VPS13D: variants seen among roughly 807,000 people sequenced by gnomAD.
VPS13D encodes vacuolar protein sorting 13 homolog D, also known as intermembrane lipid transfer protein VPS13D.
VPS13D carries 187 observed loss-of-function variants against 461.9 expected under a neutral mutation model. That is an observed-to-expected ratio of 0.40 (90% confidence interval 0.36 to 0.46). VPS13D has a LOEUF of 0.46. VPS13D is among the 20% of genes least tolerant of loss of function. VPS13D has a pLI of 0.60. For synonymous variants in VPS13D, 1,951 were observed against 1,986.3 expected (o/e 0.98, Z 0.47); for missense variants, 4,711 against 5,364.9 (o/e 0.88, Z 3.81).
chr1:12,483,646 A>G (rs1645754577), intron 67 of VPS13D, among the ~76,000 whole-genome samples: 1 of 152,146 alleles, frequency 6.6e-6, no homozygotes. Context: ...AATCTGCATC[A>G]TGACTTTATA....
intron 27 of VPS13D, among the ~76,000 whole-genome samples, chr1:12,310,893 TTCCCTCCTTCCCTCCTTCC>T: frequency 7.4e-6 from 1 of 136,004 alleles, no homozygotes; most frequent in East Asian, 2.5e-4. Flanking sequence ...CCTTCCCTCC[TTCCCTCCTTCCCTCCTTCC>T]CTCCCTCTCT....
At chr1:12,504,977 TG>T (rs1433619757) in intron 68 of VPS13D, among the ~76,000 whole-genome samples, 1 of 152,158 alleles carries the variant, frequency 6.6e-6, no homozygotes, top group African/African-American at 2.4e-5. Context: ...GAGGTGGAAG[TG>T]CCTGTGCTGT....
At chr1:12,242,362 C>G in intron 2 of VPS13D, 151 bp from the exon 3 acceptor site, 2 of 642,648 alleles carry the variant, frequency 3.1e-6, no homozygotes, top group Non-Finnish European at 5.4e-6. Context: ...TGATGTAGCC[C>G]GTTCTAGATG....
At chr1:12,354,411 G>A (rs1643868452) in intron 47 of VPS13D, among the ~76,000 whole-genome samples, 190 bp downstream of exon 47, 1 of 152,146 alleles carries the variant, frequency 6.6e-6, no homozygotes, top group Non-Finnish European at 1.5e-5. Flanking sequence ...GTACATGCCT[G>A]TAGTCCCAGC....
Position 12,283,023 on chromosome 1 carries a change from G to C in VPS13D, c.4921G>C (p.Gly1641Arg). Residue 1641 changes from glycine to arginine, a missense_variant, in exon 21 of 70, where the codon GGT becomes CGT. Gly to Arg is a moderately radical substitution (Grantham distance 125). This residue lies in a region of VPS13D where 4,411 missense variants were observed against 4,937.8 expected (regional missense o/e 0.89). Coordinates refer to ENST00000620676, the MANE Select transcript of VPS13D (RefSeq NM_015378.4). ...TGGAGATCTGACTTTGGGGGCCCAA[G>C]GTCTTGTGAGCTTAAAGTTTCAGGA... Reference protein sequence around the residue: ...LSGDLTLGAQGLVSLKFQDFE... With the variant: ...LSGDLTLGAQRLVSLKFQDFE... 1 of 1,613,680 alleles carries C rather than the reference G, an allele frequency of 6.2e-7. No individual in the cohort carries two copies. The highest frequency in any genetic ancestry group is 8.5e-7 in the Non-Finnish European group (1 of 1,179,878).
chr1:12,497,283 C>T (rs966855791), intron 67 of VPS13D: 9 of 401,132 alleles, frequency 2.2e-5, no homozygotes, highest in East Asian at 1.6e-4. Context: ...TATCCATGAT[C>T]ACATGGCCAG....
intron 67 of VPS13D, among the ~76,000 whole-genome samples, chr1:12,490,290 A>G (rs147582741): frequency 0.019 from 2,889 of 152,208 alleles, 107 homozygotes; most frequent in Admixed American, 0.099. Flanking sequence ...TGCCCAACCT[A>G]TTTTCCATGT....
In VPS13D at chr1:12,308,493, G is replaced by A; in HGVS notation, c.6502G>A (p.Ala2168Thr). The A allele has an allele frequency of 6.2e-7, 1 of 1,614,086 alleles. No homozygotes were observed. Among genetic ancestry groups the A allele is most frequent in the Non-Finnish European group, 8.5e-7 (1 of 1,180,028 alleles). ...TCTCCAGGACATGGACATCTTTGCT[G>A]CAGAGAGACATCCGAGAGAATACTC... Reference protein sequence around the residue: ...VDLQDMDIFAAERHPREYSKA... With the variant: ...VDLQDMDIFATERHPREYSKA... The change falls in exon 27 of 70, where the codon GCA becomes ACA. Residue 2168 changes from alanine to threonine, a missense_variant. Ala to Thr is a moderately conservative substitution (Grantham distance 58, BLOSUM62 0). Transcript: ENST00000620676.
At chr1:12,275,716 T>G in intron 18 of VPS13D, 109 bp from the exon 19 acceptor site, 1 of 1,160,718 alleles carries the variant, frequency 8.6e-7, no homozygotes, top group Non-Finnish European at 1.2e-6. Flanking sequence ...CTCAGTTTTC[T>G]TAAACAAACT....
chr1:12,360,157 T>A (rs140165770), intron 50 of VPS13D, among the ~76,000 whole-genome samples: 1 of 152,358 alleles, frequency 6.6e-6, no homozygotes, highest in African/African-American at 2.4e-5. Context: ...GGGCTAAGAC[T>A]GTGATTTAAG....
intron 67 of VPS13D, among the ~76,000 whole-genome samples, chr1:12,492,795 G>A (rs1248982907): frequency 3.9e-5 from 6 of 152,182 alleles, no homozygotes; most frequent in Admixed American, 2.0e-4. Flanking sequence ...TATGAACAAA[G>A]CAGAGACATG....
At chr1:12,386,474 G>A (rs1644352447) in intron 60 of VPS13D, 140 bp downstream of exon 60, 1 of 1,022,320 alleles carries the variant, frequency 9.8e-7, no homozygotes, top group Non-Finnish European at 1.4e-6. Flanking sequence ...CTGTGAAATA[G>A]TTGTTTCTAC....
chr1:12,345,594 ACTTTCTTGTT>A (rs1375070274), intron 43 of VPS13D, 85 bp downstream of exon 43: 3 of 1,499,542 alleles, frequency 2.0e-6, no homozygotes, highest in Non-Finnish European at 2.7e-6. Flanking sequence ...CTCTAATGAA[ACTTTCTTGTT>A]CTTTCTTTCC....
At position 12,415,202 on chromosome 1, in the gene VPS13D, T is replaced by G. The variant is rs758291232; in HGVS notation, c.12146T>G (p.Ile4049Ser). ...YETKEFIINDILKHFQEELLS... is the reference protein window; with the variant it reads ...YETKEFIINDSLKHFQEELLS... ...ACCAAGGAGTTCATCATCAATGATA[T>G]CCTCAAACATTTCCAGGAGGTGAGG... Residue 4049 changes from isoleucine to serine, a missense_variant, in exon 64 of 70, where the codon ATC becomes AGC. By Grantham distance (142) the Ile-to-Ser change is moderately radical (BLOSUM62 -2). This residue lies in a region of VPS13D where 4,411 missense variants were observed against 4,937.8 expected (regional missense o/e 0.89). Transcript: ENST00000620676. The G allele has an allele frequency of 1.2e-5, 19 of 1,614,030 alleles. No individual in the cohort carries two copies. Among genetic ancestry groups the G allele is most frequent in the Non-Finnish European group, 1.6e-5 (19 of 1,180,020 alleles).
At position 12,502,018 on chromosome 1, in the gene VPS13D, G is replaced by C. The variant is rs563515086; in HGVS notation, c.12794+4387G>C. On this transcript the variant is annotated intron_variant, in intron 68 of 69. Coordinates refer to ENST00000620676, the MANE Select transcript of VPS13D (RefSeq NM_015378.4). This position sits in a 1 kb window ranked among gnomAD's most constrained non-coding sequence, Gnocchi z 4.3. ...GCAGCACGTGTGGAAAGAAGGAGCA[G>C]AGGCTGGAAGGGTGGGTTCCCAGGC... 4.0e-4 allele frequency among the ~76,000 whole-genome samples: 61 copies of C among 152,352 alleles called. No homozygotes were observed. Among genetic ancestry groups the C allele is most frequent in the African/African-American group, 1.2e-3 (51 of 41,578 alleles).
chr1:12,480,928 T>G (rs1302437337), intron 67 of VPS13D, among the ~76,000 whole-genome samples: 1 of 152,234 alleles, frequency 6.6e-6, no homozygotes, highest in East Asian at 1.9e-4. Flanking sequence ...TCCTGCCTTC[T>G]GTGTGACTCA....
chr1:12,345,250 C>A, intron 42 of VPS13D, 124 bp from the exon 43 acceptor site: 1 of 1,173,320 alleles, frequency 8.5e-7, no homozygotes, highest in South Asian at 1.8e-5. Flanking sequence ...TAGGTAATCT[C>A]CAAAAGGTTT....
chr1:12,237,661 A>T (rs147826160), intron 2 of VPS13D, among the ~76,000 whole-genome samples: 2,013 of 151,148 alleles, frequency 0.013, 23 homozygotes, highest in Non-Finnish European at 0.021. Context: ...TCTAAAAAAA[A>T]AAATAAATAA....
At chr1:12,384,745 G>A (rs1644328619) in intron 58 of VPS13D, among the ~76,000 whole-genome samples, 1 of 151,996 alleles carries the variant, frequency 6.6e-6, no homozygotes, top group Admixed American at 6.6e-5. Flanking sequence ...TCAGCCTCCC[G>A]AATAGCTGGA....
Sources: allele counts gnomAD v4.1 joint callset (sites outside exome capture counted in the v4.1 genomes callset), GRCh38; gene constraint gnomAD v4.1.1; regional missense constraint gnomAD v4.1.1; non-coding constraint Gnocchi (gnomAD v3.1); transcripts MANE v1.5; gene names NCBI Gene and HGNC (gene_info 2026-07-23, HGNC 2026-07-21).